Variants in ADGRL2 observed in about 807,000 individuals in gnomAD.
ADGRL2 encodes the protein calcium-independent alpha-latrotoxin receptor 2.
In ADGRL2, 44 loss-of-function variants were observed where a neutral mutation model predicts 157.4. The observed-to-expected ratio is 0.28, with a 90% CI of 0.22 to 0.36. The LOEUF (loss-of-function observed/expected upper bound fraction) is 0.36, where lower values mean the gene tolerates loss of function less well. Ranked by LOEUF, ADGRL2 falls within the 10% of genes least tolerant of loss-of-function variation. The pLI is 1.00. For synonymous variants in ADGRL2, 585 were observed against 624.7 expected (o/e 0.94, Z 0.95); for missense variants, 1,510 against 1,768.9 (o/e 0.85, Z 2.63).
At chr1:81,573,078 G>A (rs1201732652) in intron 2 of ADGRL2, among the ~76,000 whole-genome samples, 2 of 151,804 alleles carry the variant, frequency 1.3e-5, no homozygotes, top group Non-Finnish European at 2.9e-5. Flanking sequence ...CTTTTGTTAT[G>A]CAAGAGAGTA....
intron 1 of ADGRL2, among the ~76,000 whole-genome samples, chr1:81,412,343 G>T (rs918259707): frequency 1.3e-5 from 2 of 152,148 alleles, no homozygotes; most frequent in African/African-American, 4.8e-5. Context: ...AAATGATTTT[G>T]TGAATATAAA....
intron 2 of ADGRL2, among the ~76,000 whole-genome samples, chr1:81,765,719 A>T (rs764755416): frequency 6.6e-6 from 1 of 152,058 alleles, no homozygotes; most frequent in African/African-American, 2.4e-5. Flanking sequence ...AATAGTCATG[A>T]TATATACACG....
chr1:81,830,344 A>T (rs929632427), intron 1 of ADGRL2, among the ~76,000 whole-genome samples: 2 of 152,180 alleles, frequency 1.3e-5, no homozygotes, highest in Non-Finnish European at 2.9e-5. Context: ...AATGTGATCT[A>T]CTTTATGTTA....
At chr1:81,803,921 T>G (rs2088716703) in intron 1 of ADGRL2, among the ~76,000 whole-genome samples, 2 of 152,218 alleles carry the variant, frequency 1.3e-5, no homozygotes. Flanking sequence ...TCAACGAAGT[T>G]GCACAATGAA....
At chr1:81,855,424 G>C (rs2093167573) in intron 2 of ADGRL2, among the ~76,000 whole-genome samples, 1 of 152,130 alleles carries the variant, frequency 6.6e-6, no homozygotes, top group Non-Finnish European at 1.5e-5. Context: ...CTGGGCCACA[G>C]AGCGAGGCCC....
At chr1:81,322,109 T>C (rs12126517) in intron 1 of ADGRL2, among the ~76,000 whole-genome samples, 23,099 of 129,816 alleles carry the variant, frequency 0.18, 2,806 homozygotes, top group African/African-American at 0.33. Flanking sequence ...TATATATATA[T>C]ACACATATAT....
intron 2 of ADGRL2, among the ~76,000 whole-genome samples, chr1:81,580,278 G>A (rs569092709): frequency 1.3e-5 from 2 of 151,800 alleles, no homozygotes; most frequent in South Asian, 4.2e-4. Flanking sequence ...GACAAGGTAG[G>A]TTCACTAACC....
chr1:81,847,875 T>C (rs2092852296), intron 2 of ADGRL2, among the ~76,000 whole-genome samples: 1 of 151,942 alleles, frequency 6.6e-6, no homozygotes, highest in African/African-American at 2.4e-5. Context: ...ATTATACTAA[T>C]TTTTCAAAGT....
At chr1:81,589,044 C>T (rs916975880) in intron 3 of ADGRL2, among the ~76,000 whole-genome samples, 2 of 152,074 alleles carry the variant, frequency 1.3e-5, no homozygotes, top group Non-Finnish European at 2.9e-5. Flanking sequence ...GATTCCTGTG[C>T]TCATGTATTC....
intron 1 of ADGRL2, among the ~76,000 whole-genome samples, chr1:81,318,714 T>C (rs1203619644): frequency 3.9e-5 from 6 of 152,068 alleles, no homozygotes; most frequent in Non-Finnish European, 7.4e-5. Context: ...TAAAATTAAA[T>C]TTATTTTGGA....
chr1:81,570,722 A>C (rs2080669463), intron 2 of ADGRL2, among the ~76,000 whole-genome samples: 1 of 152,140 alleles, frequency 6.6e-6, no homozygotes, highest in Middle Eastern at 3.2e-3. Flanking sequence ...AATTCCTAGA[A>C]TAATACTTAC....
chr1:81,783,744 AAGAT>A (rs2086912589), intron 2 of ADGRL2, among the ~76,000 whole-genome samples: 2 of 152,216 alleles, frequency 1.3e-5, no homozygotes, highest in Non-Finnish European at 2.9e-5. Context: ...CACAGGAAGT[AAGAT>A]AGAATATTCA....
intron 1 of ADGRL2, among the ~76,000 whole-genome samples, chr1:81,413,554 C>T (rs183203045): frequency 6.6e-6 from 1 of 152,028 alleles, no homozygotes. Context: ...AGAGACATTG[C>T]TCCATGAAAG....
chr1:81,572,366 C>G (rs2080712801), intron 2 of ADGRL2, among the ~76,000 whole-genome samples: 1 of 152,120 alleles, frequency 6.6e-6, no homozygotes, highest in Non-Finnish European at 1.5e-5. Context: ...CTACAATGTG[C>G]CAAGCACTAG....
At chr1:81,670,996 C>T (rs1165884363) in intron 3 of ADGRL2, among the ~76,000 whole-genome samples, 9 of 152,202 alleles carry the variant, frequency 5.9e-5, no homozygotes, top group Non-Finnish European at 1.3e-4. Context: ...AGGCTTGAGC[C>T]GTCACACCTG....
chr1:81,579,306 G>C (rs1342323410), intron 2 of ADGRL2: 1 of 152,090 alleles, frequency 6.6e-6, no homozygotes, highest in Non-Finnish European at 1.5e-5. Context: ...CCAGTTACAA[G>C]ATCACTGTTT....
At chr1:81,554,887 A>T (rs537546230) in intron 2 of ADGRL2, among the ~76,000 whole-genome samples, 1 of 152,178 alleles carries the variant, frequency 6.6e-6, no homozygotes, top group South Asian at 2.1e-4. Flanking sequence ...AAGGGGAATA[A>T]TGTCTGATTC....
Position 81,984,483 on chromosome 1 carries a change from A to G in ADGRL2, c.3283-100A>G. ...TTTCTCCACGGATAAGTTTTAGTGG[A>G]ACTTTAATTCTTTTCGGTTGTCTTC... On this transcript the variant is annotated intron_variant, in intron 19 of 23. Coordinates refer to ENST00000686636, the MANE Select transcript of ADGRL2 (RefSeq NM_001366006.2). 4.1e-6 allele frequency: 5 copies of G among 1,230,298 alleles called. No homozygotes were observed. The South Asian group carries it at 9.1e-5, about 22-fold the overall frequency. 76.2% of individuals were successfully genotyped at this position (1,230,298 alleles called of 1,614,324 possible).
chr1:81,625,489 T>A (rs946131289), intron 3 of ADGRL2, among the ~76,000 whole-genome samples: 1 of 152,176 alleles, frequency 6.6e-6, no homozygotes, highest in Admixed American at 6.5e-5. Context: ...TGTTAGATAC[T>A]CTATCATTTC....
Sources: allele counts gnomAD v4.1 joint callset (sites outside exome capture counted in the v4.1 genomes callset), GRCh38; gene constraint gnomAD v4.1.1; transcripts MANE v1.5; gene names NCBI Gene and HGNC (gene_info 2026-07-23, HGNC 2026-07-21).